USP15: variants seen among roughly 807,000 people sequenced by gnomAD.
USP15 encodes ubiquitin specific peptidase 15.
A neutral mutation model predicts 127.1 loss-of-function variants in USP15; 18 were observed. The observed-to-expected ratio is 0.14, with a 90% confidence interval of 0.10 to 0.21. USP15 has a LOEUF of 0.21. Ranked by LOEUF, USP15 falls within the 10% of genes least tolerant of loss-of-function variation. The pLI, the probability that USP15 is intolerant of heterozygous loss-of-function variation, is 1.00. For synonymous variants in USP15, 364 were observed against 393.7 expected, an observed-to-expected ratio of 0.92 and a Z score of 0.89; for missense variants, 805 against 1,159.9, an observed-to-expected ratio of 0.69 and a Z score of 4.44.
chr12:62,301,443 A>G (rs2064317499), intron 2 of USP15, among the ~76,000 whole-genome samples: 1 of 152,206 alleles, frequency 6.6e-6, no homozygotes, highest in Non-Finnish European at 1.5e-5. Context: ...TCAAATGCCC[A>G]TCAACACCTG....
At position 62,410,725 on chromosome 12, in the gene USP15, T is replaced by C. The variant is rs1202536851; in HGVS notation, c.*6350T>C. On this transcript the variant is annotated 3_prime_UTR_variant, in exon 22 of 22. Transcript: ENST00000280377. ...AAATTATGCTGGTCTCTTGAAAGTATTAGTTTATGGGTGTGGAGAGGAAGG... is the reference window on the plus strand; with the variant it reads ...AAATTATGCTGGTCTCTTGAAAGTACTAGTTTATGGGTGTGGAGAGGAAGG... The C allele has an allele frequency of 6.6e-6, 1 of 152,172 alleles. No homozygotes were observed. The highest frequency in any genetic ancestry group is 1.5e-5 in the Non-Finnish European group (1 of 68,024). 9.4% of individuals were successfully genotyped at this position (152,172 alleles called of 1,614,324 possible).
At chr12:62,364,455 G>T (rs1031763600) in intron 8 of USP15, among the ~76,000 whole-genome samples, 1 of 152,156 alleles carries the variant, frequency 6.6e-6, no homozygotes, top group African/African-American at 2.4e-5. Flanking sequence ...TCTAGAGTTG[G>T]AAAGAGAAAG....
At chr12:62,321,189 T>C (rs948760756) in intron 4 of USP15, among the ~76,000 whole-genome samples, 1 of 152,152 alleles carries the variant, frequency 6.6e-6, no homozygotes, top group Admixed American at 6.5e-5. Context: ...TTATCCTGTG[T>C]AGCATAAATT....
At chr12:62,384,949 C>T (rs2137584341) in intron 11 of USP15, among the ~76,000 whole-genome samples, 1 of 151,886 alleles carries the variant, frequency 6.6e-6, no homozygotes, top group East Asian at 1.9e-4. Flanking sequence ...ACTATCTTTT[C>T]TCCCTTATTT....
intron 6 of USP15, among the ~76,000 whole-genome samples, chr12:62,346,232 A>C (rs973846637): frequency 1.3e-5 from 2 of 152,210 alleles, no homozygotes; most frequent in East Asian, 1.9e-4. Flanking sequence ...AAAGAAATAT[A>C]AGAGTTAAGA....
chr12:62,311,055 A>C (rs564781929), intron 3 of USP15, among the ~76,000 whole-genome samples: 1 of 151,448 alleles, frequency 6.6e-6, no homozygotes, highest in Non-Finnish European at 1.5e-5. Context: ...TCCTTTGCCT[A>C]CTTTTAAATG....
intron 8 of USP15, among the ~76,000 whole-genome samples, chr12:62,361,411 G>A (rs2066310962): frequency 6.6e-6 from 1 of 151,948 alleles, no homozygotes; most frequent in Admixed American, 6.6e-5. Flanking sequence ...TGACATAATA[G>A]AGATCTTAGA....
chr12:62,358,436 C>T (rs1333430153), intron 8 of USP15, among the ~76,000 whole-genome samples: 1 of 152,050 alleles, frequency 6.6e-6, no homozygotes, highest in Non-Finnish European at 1.5e-5. Context: ...ACAGTTTGTC[C>T]AGGCATGGTG....
Position 62,414,255 on chromosome 12 carries a change from C to A in USP15, c.*9880C>A, listed in dbSNP as rs2137723334. The stretch of plus-strand genomic sequence containing the variant: ...AGATGTGCTCAATGTAGGCTTGCCA[C>A]AAGCCTTGTTTGTAAAAAAACAAAA... On this transcript the variant is annotated 3_prime_UTR_variant, in exon 22 of 22. Transcript: ENST00000280377. 6.6e-6 allele frequency: 1 copy of A among 152,316 alleles called. No homozygotes were observed. Among genetic ancestry groups the A allele is most frequent in the South Asian group, 2.1e-4 (1 of 4,822 alleles). The allele number at this position is 152,316 out of a possible 1,614,324, so 9.4% of individuals were successfully genotyped here. A position where few individuals can be genotyped will look rare whatever the true frequency, so the allele number is the denominator to read the frequency against.
At chr12:62,341,275 G>A (rs1255712254) in intron 6 of USP15, among the ~76,000 whole-genome samples, 1 of 151,098 alleles carries the variant, frequency 6.6e-6, no homozygotes, top group Non-Finnish European at 1.5e-5. Flanking sequence ...GTATGTCTTT[G>A]CATGTGAGAT....
chr12:62,371,233 A>G (rs1049634499), intron 8 of USP15, among the ~76,000 whole-genome samples: 3 of 152,170 alleles, frequency 2.0e-5, no homozygotes, highest in African/African-American at 7.2e-5. Flanking sequence ...CTTAGAATTT[A>G]TTATGTTTCA....
At chr12:62,371,366 A>G (rs772263517) in intron 8 of USP15, among the ~76,000 whole-genome samples, 3 of 152,148 alleles carry the variant, frequency 2.0e-5, no homozygotes, top group East Asian at 1.9e-4. Flanking sequence ...AGCAGAGGCT[A>G]TCTTTGGTTT....
intron 3 of USP15, among the ~76,000 whole-genome samples, chr12:62,304,150 C>T (rs2064407223): frequency 1.3e-5 from 2 of 152,034 alleles, no homozygotes; most frequent in Admixed American, 1.3e-4. Context: ...ATAAACAGAT[C>T]AACTACCAAT....
rs36008434 is a variant in USP15, at chr12:62,330,933, G to GAA, written c.683+5016_683+5017dup. ...AGAGTGAGACTCTGTCTCCAAAAAG[G>GAA]AAAAAAAAAAAAAAAAACAGAAAAG... is the stretch of plus-strand genomic sequence containing the variant. On this transcript the variant is annotated intron_variant, in intron 6 of 21. Transcript: ENST00000280377. Among the ~76,000 whole-genome samples the GAA allele has an allele frequency of 1.4e-3, 165 of 120,306 alleles. 1 individual carries two copies. The highest frequency in any genetic ancestry group is 0.012 in the East Asian group (50 of 4,106). The allele number at this position is 120,306 out of a possible 152,430, so 78.9% of individuals were successfully genotyped here. A position where few individuals can be genotyped will look rare whatever the true frequency, so the allele number is the denominator to read the frequency against.
At chr12:62,269,817 A>G (rs769882156) in intron 1 of USP15, among the ~76,000 whole-genome samples, 24 of 152,266 alleles carry the variant, frequency 1.6e-4, no homozygotes, top group Non-Finnish European at 3.1e-4. Context: ...TCCATTTATC[A>G]ATTGATAGAC....
At chr12:62,351,680 A>G (rs2065971422) in intron 7 of USP15, among the ~76,000 whole-genome samples, 1 of 152,044 alleles carries the variant, frequency 6.6e-6, no homozygotes, top group African/African-American at 2.4e-5. Context: ...GAATGATTCT[A>G]TCATATGACT....
At chr12:62,344,299 G>C (rs776321864) in intron 6 of USP15, among the ~76,000 whole-genome samples, 11 of 152,158 alleles carry the variant, frequency 7.2e-5, no homozygotes, top group African/African-American at 2.7e-4. Context: ...AAAACAAAGG[G>C]TCTATAGGCC....
At chr12:62,361,725 G>A (rs975489602) in intron 8 of USP15, among the ~76,000 whole-genome samples, 7 of 151,634 alleles carry the variant, frequency 4.6e-5, no homozygotes, top group African/African-American at 1.5e-4. Flanking sequence ...AAAATAAAAG[G>A]AAAGAAAAAC....
chr12:62,361,850 G>A (rs11174442), intron 8 of USP15, among the ~76,000 whole-genome samples: 60,230 of 151,750 alleles, frequency 0.4, 12,486 homozygotes, highest in East Asian at 0.55. Context: ...ACTATTCTGG[G>A]CAGGGGAGAG....
Sources: gnomAD v4.1 joint callset for allele counts (sites outside exome capture counted in the v4.1 genomes callset) on GRCh38, gnomAD v4.1.1 for gene constraint, MANE v1.5 for transcripts, NCBI Gene and HGNC (gene_info 2026-07-23, HGNC 2026-07-21) for gene names.